The following TBCA variants were observed in gnomAD, a reference collection of about 807,000 sequenced individuals.
TBCA encodes tubulin folding cofactor A.
A neutral mutation model predicts 15.8 loss-of-function variants in TBCA; 6 were observed. The observed-to-expected ratio is 0.38, with a 90% CI of 0.21 to 0.75. The LOEUF (loss-of-function observed/expected upper bound fraction) is 0.75. Ranked by LOEUF, TBCA falls within the 30% of genes least tolerant of loss-of-function variation. The probability of loss-of-function intolerance (pLI) is 0.46; values close to 1 mark genes in which losing one functional copy is unlikely to be tolerated. For missense variants in TBCA, 90 were observed against 131.2 expected, an observed-to-expected ratio of 0.69 and a Z score of 1.53; for synonymous variants, 32 against 42.3, an observed-to-expected ratio of 0.76 and a Z score of 0.94.
At chr5:77,716,377 C>T (rs551720945) in intron 1 of TBCA, among the ~76,000 whole-genome samples, 51 of 152,094 alleles carry the variant, frequency 3.4e-4, no homozygotes, top group African/African-American at 1.2e-3. Context: ...TGGTGAAGTT[C>T]GACAGACAGT....
chr5:77,756,265 A>G (rs1747475334), intron 1 of TBCA, among the ~76,000 whole-genome samples: 3 of 152,166 alleles, frequency 2.0e-5, no homozygotes, highest in Admixed American at 2.0e-4. Context: ...CAGAGGGCTC[A>G]AAGTGCAGAG....
At chr5:77,701,682 CATATATATATATATATATATATAT>C (rs58679612) in intron 2 of TBCA, among the ~76,000 whole-genome samples, 62 of 50,972 alleles carry the variant, frequency 1.2e-3, no homozygotes, top group East Asian at 1.6e-3. Flanking sequence ...CTGTGGCATG[CATATATATATATATATATATATAT>C]ATATATATAT....
chr5:77,718,246 T>C (rs527640374), intron 1 of TBCA, among the ~76,000 whole-genome samples: 2 of 152,228 alleles, frequency 1.3e-5, no homozygotes, highest in Non-Finnish European at 2.9e-5. Flanking sequence ...TTTCAAAGTA[T>C]TTCTGTAACT....
rs1746370714 is a variant in TBCA, at chr5:77,715,228, G to T, written c.54-6881C>A. The T allele has an allele frequency of 4.3e-6, 3 of 701,458 alleles. No homozygotes were observed. The Admixed American group carries it at 6.0e-5, about 14-fold the overall frequency. The allele number at this position is 701,458 out of a possible 1,614,324, so 43.5% of individuals were successfully genotyped here. A position where few individuals can be genotyped will look rare whatever the true frequency, so the allele number is the denominator to read the frequency against. Reference sequence around the variant, plus strand: ...AAAGTTGATCTACTATGTCACCTGAGAAATTTACTTAATGTACTCCAGCAA... The same window carrying T: ...AAAGTTGATCTACTATGTCACCTGATAAATTTACTTAATGTACTCCAGCAA... On this transcript the variant is annotated intron_variant, in intron 1 of 3. Coordinates refer to ENST00000380377, the MANE Select transcript of TBCA (RefSeq NM_004607.3).
At chr5:77,731,407 T>A (rs773103263) in intron 1 of TBCA, among the ~76,000 whole-genome samples, 2 of 152,200 alleles carry the variant, frequency 1.3e-5, no homozygotes, top group Non-Finnish European at 2.9e-5. Flanking sequence ...AATAATAGTA[T>A]CTACCATATG....
At chr5:77,759,496 G>A (rs931869187) in intron 1 of TBCA, among the ~76,000 whole-genome samples, 20 of 152,176 alleles carry the variant, frequency 1.3e-4, no homozygotes, top group African/African-American at 4.8e-4. Flanking sequence ...CCCTGGCTGA[G>A]GAGGGAGTCC....
intron 1 of TBCA, among the ~76,000 whole-genome samples, chr5:77,727,964 A>C (rs974329610): frequency 6.6e-6 from 1 of 152,122 alleles, no homozygotes; most frequent in African/African-American, 2.4e-5. Flanking sequence ...TCTAGTTTTA[A>C]GATTTTGGAG....
In TBCA at chr5:77,708,327, A is replaced by G. The variant is rs1331246233; in HGVS notation, c.74T>C (p.Met25Thr). The G allele has an allele frequency of 5.6e-6, 9 of 1,610,098 alleles. No homozygotes were observed. The highest frequency in any genetic ancestry group is 2.2e-5 in the East Asian group (1 of 44,638). Residue 25 changes from methionine (M) to threonine (T), a missense_variant, in exon 2 of 4, where the codon ATG becomes ACG. Physicochemically the swap from Met to Thr is moderately conservative, Grantham distance 81. Coordinates refer to ENST00000380377, the MANE Select transcript of TBCA (RefSeq NM_004607.3). ...TTGTTGTTTTGCCTCTTTTTCATAC[A>G]TCACTTTTTCTTTGACCAACCTATA... ...VVKRLVKEKV[M>T]YEKEAKQQEE...
At chr5:77,710,256 C>G (rs1224256838) in intron 1 of TBCA, among the ~76,000 whole-genome samples, 1 of 152,084 alleles carries the variant, frequency 6.6e-6, no homozygotes, top group Non-Finnish European at 1.5e-5. Context: ...CTGATACATT[C>G]AAGCATGACA....
At chr5:77,705,690 T>C (rs1476157814) in intron 2 of TBCA, 2 of 396,214 alleles carry the variant, frequency 5.0e-6, no homozygotes, top group Non-Finnish European at 8.9e-6. Flanking sequence ...TGGCCAGGCA[T>C]GGTGGCACAC....
chr5:77,735,269 C>T (rs1160112350), intron 1 of TBCA, among the ~76,000 whole-genome samples: 1 of 152,140 alleles, frequency 6.6e-6, no homozygotes, highest in Non-Finnish European at 1.5e-5. Context: ...CTCAGATTGG[C>T]AAATGCCAAA....
At chr5:77,716,245 T>C (rs955833284) in intron 1 of TBCA, among the ~76,000 whole-genome samples, 4 of 152,180 alleles carry the variant, frequency 2.6e-5, no homozygotes, top group Admixed American at 2.0e-4. Flanking sequence ...ATACTACTAA[T>C]GAAATTAAGC....
chr5:77,769,513 A>C (rs909237841), intron 1 of TBCA, among the ~76,000 whole-genome samples: 9 of 152,138 alleles, frequency 5.9e-5, no homozygotes, highest in Non-Finnish European at 1.0e-4. Context: ...ATATCAGTAT[A>C]ATATATATTG....
chr5:77,693,305 G>T lies in TBCA; in HGVS notation c.207C>A (p.Arg69=), dbSNP rs756437938. 1.9e-6 allele frequency: 3 copies of T among 1,613,850 alleles called. No individual in the cohort carries two copies. Among genetic ancestry groups the T allele is most frequent in the Non-Finnish European group, 2.5e-6 (3 of 1,179,936 alleles). The change falls in exon 3 of 4, where the codon CGC becomes CGA. Residue 69 remains arginine, a synonymous_variant. Transcript: ENST00000380377. ...GATCCAAATATGCGGCTTCCAACCT[G>T]CGCTGGCAATCTGGGATCATCATCC... is the stretch of plus-strand genomic sequence containing the variant. ...ESRMMIPDCQ[R]RLEAAYLDLQ...
chr5:77,701,682 CATATATAT>C (rs58679612), intron 2 of TBCA, among the ~76,000 whole-genome samples: 673 of 50,958 alleles, frequency 0.013, 5 homozygotes, highest in African/African-American at 0.024. Flanking sequence ...CTGTGGCATG[CATATATAT>C]ATATATATAT....
At chr5:77,775,902 G>C (rs1306416702) in intron 1 of TBCA, among the ~76,000 whole-genome samples, 3 of 152,194 alleles carry the variant, frequency 2.0e-5, no homozygotes, top group African/African-American at 7.2e-5. Context: ...GCCCGCCCTC[G>C]CAGGCCGCGG....
chr5:77,691,472 A>G lies in TBCA; in HGVS notation c.273T>C (p.Ala91=). The change falls in exon 4 of 4, where the codon GCT becomes GCC. Residue 91 remains alanine, a synonymous_variant. Coordinates refer to ENST00000380377, the MANE Select transcript of TBCA (RefSeq NM_004607.3). ...ILENEKDLEE[A]EEYKEARLVL... The stretch of plus-strand genomic sequence containing the variant: ...CTAAACGTGCTTCTTTATATTCCTC[A>G]GCTTCTTCCAAGTCTTTTTCATTTT... 3.1e-6 allele frequency: 5 copies of G among 1,594,964 alleles called. No homozygotes were observed. Among genetic ancestry groups the G allele is most frequent in the Non-Finnish European group, 4.3e-6 (5 of 1,175,318 alleles).
chr5:77,755,437 T>TAC (rs200256507), intron 1 of TBCA, among the ~76,000 whole-genome samples: 2,495 of 152,072 alleles, frequency 0.016, 66 homozygotes, highest in African/African-American at 0.057. Context: ...ATTAGCCGTG[T>TAC]GTGGTGGTGC....
At chr5:77,715,299 C>CT (rs1357709386) in intron 1 of TBCA, 1 of 702,254 alleles carries the variant, frequency 1.4e-6, no homozygotes, top group South Asian at 1.5e-5. Context: ...CCAGGAAGTC[C>CT]TTGTCAACAT....
Sources: gnomAD v4.1 joint callset for allele counts (sites outside exome capture counted in the v4.1 genomes callset) on GRCh38, gnomAD v4.1.1 for gene constraint, MANE v1.5 for transcripts, NCBI Gene and HGNC (gene_info 2026-07-23, HGNC 2026-07-21) for gene names.